TDRD3: variants seen among roughly 807,000 people sequenced by gnomAD.
The protein encoded by TDRD3 is tudor domain-containing protein 3.
In TDRD3, 45 loss-of-function variants were observed where a neutral mutation model predicts 86.7. The ratio of observed to expected loss-of-function variants is 0.52; its 90% CI spans 0.41 to 0.67. The LOEUF is 0.67. Among genes scored for constraint, TDRD3 ranks in the 30% least tolerant of loss-of-function variants. TDRD3 has a pLI of 0.00. For synonymous variants in TDRD3, 298 were observed against 301.7 expected, an observed-to-expected ratio of 0.99 and a Z score of 0.13; for missense variants, 814 against 889.0, an observed-to-expected ratio of 0.92 and a Z score of 1.07.
intron 10 of TDRD3, among the ~76,000 whole-genome samples, chr13:60,526,532 C>T (rs959909514): frequency 1.3e-5 from 2 of 151,638 alleles, no homozygotes; most frequent in South Asian, 2.1e-4. Flanking sequence ...TTTTTCTTCT[C>T]TCTAAAGAAA....
intron 12 of TDRD3, among the ~76,000 whole-genome samples, chr13:60,560,845 A>G (rs183073749): frequency 9.8e-5 from 15 of 152,340 alleles, no homozygotes; most frequent in African/African-American, 3.1e-4. Flanking sequence ...GTGATACTGG[A>G]ATGAAAATAT....
At chr13:60,476,549 T>C (rs1956190548) in intron 5 of TDRD3, among the ~76,000 whole-genome samples, 2 of 152,168 alleles carry the variant, frequency 1.3e-5, no homozygotes, top group South Asian at 4.1e-4. Flanking sequence ...TCATTTTTGG[T>C]TCCATATGAA....
chr13:60,478,926 C>T (rs1389770847), intron 5 of TDRD3, among the ~76,000 whole-genome samples: 1 of 151,126 alleles, frequency 6.6e-6, no homozygotes, highest in Non-Finnish European at 1.5e-5. Context: ...GCCTCAGTCT[C>T]CTAAGTAGCT....
intron 10 of TDRD3, among the ~76,000 whole-genome samples, chr13:60,520,164 A>G (rs935093190): frequency 6.6e-6 from 1 of 152,192 alleles, no homozygotes; most frequent in African/African-American, 2.4e-5. Context: ...TTGTATCTAT[A>G]AAGATTTTAA....
At chr13:60,472,159 G>A (rs1473319349) in intron 5 of TDRD3, among the ~76,000 whole-genome samples, 1 of 152,052 alleles carries the variant, frequency 6.6e-6, no homozygotes, top group Non-Finnish European at 1.5e-5. Context: ...TTCTGTTAAT[G>A]CGTTACATTG....
At chr13:60,490,203 G>C (rs1956555445) in intron 7 of TDRD3, among the ~76,000 whole-genome samples, 1 of 152,004 alleles carries the variant, frequency 6.6e-6, no homozygotes, top group South Asian at 2.1e-4. Flanking sequence ...TAACTCAGAA[G>C]ATCTGAATCA....
At chr13:60,510,404 G>A (rs1957030280) in intron 9 of TDRD3, among the ~76,000 whole-genome samples, 1 of 151,960 alleles carries the variant, frequency 6.6e-6, no homozygotes, top group Admixed American at 6.6e-5. Flanking sequence ...TAGTTTATAT[G>A]AACAAATTCG....
rs575712329 is a variant in TDRD3, at chr13:60,440,523, A to G, written c.126+751A>G. On this transcript the variant is annotated intron_variant, in intron 2 of 13. Transcript: ENST00000377881. ...TGGTGAAACCCCATCTCTAGCATAG[A>G]TACAAAAATTAGCTGGGCGTGGTAG... is the stretch of plus-strand genomic sequence containing the variant. Among the ~76,000 whole-genome samples the G allele has an allele frequency of 3.9e-5, 6 of 152,236 alleles. No homozygotes were observed. In the East Asian group the frequency reaches 9.7e-4, roughly 25 times the overall value.
chr13:60,499,972 A>G (rs1288012907), intron 8 of TDRD3, among the ~76,000 whole-genome samples: 2 of 152,220 alleles, frequency 1.3e-5, no homozygotes, highest in Admixed American at 6.5e-5. Flanking sequence ...CACTTGGGCC[A>G]TATGACCCAG....
At chr13:60,489,547 C>T (rs1956533179) in intron 7 of TDRD3, among the ~76,000 whole-genome samples, 1 of 152,040 alleles carries the variant, frequency 6.6e-6, no homozygotes, top group Non-Finnish European at 1.5e-5. Context: ...TTTTTGTATC[C>T]CCTGTTTTTT....
At chr13:60,542,675 C>T (rs1957843519) in intron 12 of TDRD3, among the ~76,000 whole-genome samples, 1 of 152,126 alleles carries the variant, frequency 6.6e-6, no homozygotes, top group Non-Finnish European at 1.5e-5. Context: ...AATGAGTTGT[C>T]AGTTGTTCAT....
At chr13:60,477,090 A>G (rs1956201152) in intron 5 of TDRD3, among the ~76,000 whole-genome samples, 1 of 151,900 alleles carries the variant, frequency 6.6e-6, no homozygotes, top group Non-Finnish European at 1.5e-5. Context: ...TACTATGTTG[A>G]ATAGAAGTAG....
chr13:60,420,698 T>C (rs2137868288), intron 1 of TDRD3, among the ~76,000 whole-genome samples: 1 of 152,226 alleles, frequency 6.6e-6, no homozygotes, highest in Admixed American at 6.5e-5. Flanking sequence ...ATCCCAGTGC[T>C]TTGGGAGGCC....
At chr13:60,406,968 G>T (rs955149298) in intron 1 of TDRD3, among the ~76,000 whole-genome samples, 1 of 152,052 alleles carries the variant, frequency 6.6e-6, no homozygotes, top group Non-Finnish European at 1.5e-5. Flanking sequence ...ATTTCTAAGT[G>T]GGACCATGAA....
At chr13:60,546,384 A>T (rs538060675) in intron 12 of TDRD3, among the ~76,000 whole-genome samples, 1 of 152,284 alleles carries the variant, frequency 6.6e-6, no homozygotes, top group African/African-American at 2.4e-5. Context: ...GGAAATTAAA[A>T]TATGTAATTC....
At chr13:60,422,156 A>G (rs748053987) in intron 1 of TDRD3, among the ~76,000 whole-genome samples, 2 of 152,204 alleles carry the variant, frequency 1.3e-5, no homozygotes, top group Non-Finnish European at 2.9e-5. Flanking sequence ...TGGGGGAGAA[A>G]GAAACAAAAA....
rs1955358339 is a variant in TDRD3 at position 60,444,705 on chromosome 13, A to C, written c.149A>C (p.Lys50Thr). 6.7e-7 allele frequency: 1 copy of C among 1,483,274 alleles called. No individual in the cohort carries two copies. Among genetic ancestry groups the C allele is most frequent in the African/African-American group, 1.4e-5 (1 of 70,542 alleles). The allele number at this position is 1,483,274 out of a possible 1,614,324, so 91.9% of individuals were successfully genotyped here. The part of the protein sequence containing the change: ...ALNTDLRTIG[K>T]KFLPSDINSG... Reference sequence around the variant, plus strand: ...TAGACAGATCTGAGAACAATTGGCAAGAAATTCCTCCCCAGTGACATCAAT... The same window carrying C: ...TAGACAGATCTGAGAACAATTGGCACGAAATTCCTCCCCAGTGACATCAAT... Residue 50 changes from lysine to threonine, a missense_variant, in exon 3 of 14, where the codon AAG (lysine) becomes ACG (threonine). By Grantham distance (78) the Lys-to-Thr change is moderately conservative. Coordinates refer to ENST00000377881, the MANE Select transcript of TDRD3 (RefSeq NM_001146070.2).
At chr13:60,471,805 G>A (rs929022302) in intron 5 of TDRD3, among the ~76,000 whole-genome samples, 5 of 151,948 alleles carry the variant, frequency 3.3e-5, no homozygotes, top group East Asian at 1.9e-4. Context: ...ATAAGATCAC[G>A]TTATCTGTGA....
chr13:60,446,923 TACTA>T (rs1331895680), intron 3 of TDRD3, among the ~76,000 whole-genome samples: 2 of 152,214 alleles, frequency 1.3e-5, no homozygotes, highest in Non-Finnish European at 2.9e-5. Context: ...ATCCGTTACT[TACTA>T]ACATTATGTA....
Sources: gnomAD v4.1 joint callset for allele counts (sites outside exome capture counted in the v4.1 genomes callset) on GRCh38, gnomAD v4.1.1 for gene constraint, MANE v1.5 for transcripts, NCBI Gene and HGNC (gene_info 2026-07-23, HGNC 2026-07-21) for gene names.